RFPL4AL1: variants seen among roughly 807,000 people sequenced by gnomAD.
RFPL4AL1 encodes ret finger protein-like 4A-like protein 1.
A neutral mutation model predicts 8.2 loss-of-function variants in RFPL4AL1; 2 were observed. The ratio of observed to expected loss-of-function variants is 0.24; its 90% CI spans 0.10 to 0.77. RFPL4AL1 has a LOEUF of 0.77. Among genes scored for constraint, RFPL4AL1 ranks in the 30% least tolerant of loss-of-function variants. The probability of loss-of-function intolerance (pLI) is 0.72; values close to 1 mark genes in which losing one functional copy is unlikely to be tolerated. For synonymous variants in RFPL4AL1, 25 were observed against 131.8 expected, an observed-to-expected ratio of 0.19 and a Z score of 5.55; for missense variants, 57 against 350.3, an observed-to-expected ratio of 0.16 and a Z score of 6.68.
rs1243816491 is a variant in RFPL4AL1 at position 55,771,079 on chromosome 19, G to GTTTT, written c.-9-714_-9-711dup. On this transcript the variant is annotated intron_variant, in intron 1 of 2. Coordinates refer to ENST00000341750, the MANE Select transcript of RFPL4AL1 (RefSeq NM_001277397.2). ...TGCTTGTTTGGTTTCTTTTAGTTCTGTTTTTTGTTTTTTTTTTTTTTTTTT... is the reference window on the plus strand; with the variant it reads ...TGCTTGTTTGGTTTCTTTTAGTTCTGTTTTTTTTTTGTTTTTTTTTTTTTTTTTT... Among the ~76,000 whole-genome samples, 477 of 88,368 alleles carry GTTTT rather than the reference G, an allele frequency of 5.4e-3. 2 individuals are homozygous for GTTTT. The highest frequency in any genetic ancestry group is 0.01 in the Admixed American group (74 of 7,080). The allele number at this position is 88,368 out of a possible 152,430, so 58.0% of individuals were successfully genotyped here. A position where few individuals can be genotyped will look rare whatever the true frequency, so the allele number is the denominator to read the frequency against.
At chr19:55,771,435 A>G (rs540122452) in intron 1 of RFPL4AL1, among the ~76,000 whole-genome samples, 3 of 152,142 alleles carry the variant, frequency 2.0e-5, no homozygotes, top group African/African-American at 4.8e-5. Context: ...CTTCACAAAG[A>G]GGAGTGTATT....
intron 1 of RFPL4AL1, among the ~76,000 whole-genome samples, chr19:55,770,316 C>T (rs1321371014): frequency 6.6e-6 from 1 of 151,950 alleles, no homozygotes; most frequent in Admixed American, 6.6e-5. Flanking sequence ...AGAACCCAGT[C>T]CCAGCCAGTT....
Position 55,770,099 on chromosome 19 carries a change from A to C in RFPL4AL1, c.-10+924A>C, listed in dbSNP as rs1233901371. Among the ~76,000 whole-genome samples, 3 of 151,888 alleles carry C rather than the reference A, an allele frequency of 2.0e-5. No homozygotes were observed. The South Asian group carries it at 6.2e-4, about 32-fold the overall frequency. ...TGGAACACAGGCAGTTCTATTCTTC[A>C]TGTTTTCAGAAACCTCCCTACTATT... On this transcript the variant is annotated intron_variant, in intron 1 of 2. Coordinates refer to ENST00000341750, the MANE Select transcript of RFPL4AL1 (RefSeq NM_001277397.2).
intron 1 of RFPL4AL1, among the ~76,000 whole-genome samples, chr19:55,770,292 T>A (rs1290128814): frequency 3.3e-5 from 5 of 152,094 alleles, no homozygotes; most frequent in African/African-American, 9.6e-5. Flanking sequence ...CAGGAGGCTC[T>A]CTGGATGCCA....
chr19:55,770,242 A>T (rs1326078069), intron 1 of RFPL4AL1, among the ~76,000 whole-genome samples: 2 of 151,910 alleles, frequency 1.3e-5, no homozygotes, highest in Admixed American at 1.3e-4. Context: ...CCTAGCAGAG[A>T]GGGGGTAATA....
In RFPL4AL1 at chr19:55,772,069, C is replaced by T; in HGVS notation, c.265C>T (p.Pro89Ser). The change falls in exon 2 of 3, where the codon CCA becomes TCA. Residue 89 changes from proline to serine, a missense_variant. Pro to Ser is a moderately conservative substitution (Grantham distance 74, BLOSUM62 -1). Transcript: ENST00000341750. Reference sequence around the variant, plus strand: ...GCTGAAATCTGTTCTAACAATGAACCCAAGGATGAGGAAGTTTCAAGGTAA... The same window carrying T: ...GCTGAAATCTGTTCTAACAATGAACTCAAGGATGAGGAAGTTTCAAGGTAA... ...PKLKSVLTMN[P>S]RMRKFQVDMT... is the part of the protein sequence containing the mutation. 1 of 1,463,448 alleles carries T rather than the reference C, an allele frequency of 6.8e-7. No homozygotes were observed. The highest frequency in any genetic ancestry group is 9.2e-7 in the Non-Finnish European group (1 of 1,089,572). The allele number at this position is 1,463,448 out of a possible 1,614,324, so 90.7% of individuals were successfully genotyped here. A position where few individuals can be genotyped will look rare whatever the true frequency, so the allele number is the denominator to read the frequency against.
At chr19:55,770,301 CAG>C (rs1298182520) in intron 1 of RFPL4AL1, among the ~76,000 whole-genome samples, 20 of 151,908 alleles carry the variant, frequency 1.3e-4, no homozygotes, top group Non-Finnish European at 8.8e-5. Flanking sequence ...CTCTGGATGC[CAG>C]AGAGAACCCA....
Position 55,771,094 on chromosome 19 carries a change from T to TG in RFPL4AL1, c.-9-702_-9-701insG, listed in dbSNP as rs1233249680. 3.3e-5 allele frequency among the ~76,000 whole-genome samples: 5 copies of TG among 149,320 alleles called. No homozygotes were observed. In the South Asian group the frequency reaches 6.3e-4, roughly 19 times the overall value. ...TTTTAGTTCTGTTTTTTGTTTTTTT[T>TG]TTTTTTTTTTTCCGCTATGCAGAAG... On this transcript the variant is annotated intron_variant, in intron 1 of 2. Coordinates refer to ENST00000341750, the MANE Select transcript of RFPL4AL1 (RefSeq NM_001277397.2).
At position 55,771,834 on chromosome 19, in the gene RFPL4AL1, A is replaced by T. The variant is rs570567070; in HGVS notation, c.30A>T (p.Arg10Ser). The stretch of plus-strand genomic sequence containing the variant: ...CTGAGCACTTCAAACAGATCATTAG[A>T]TGTCCTGTCTGTCTAAAAGATCTTG... MAEHFKQII[R>S]CPVCLKDLEE... Residue 10 changes from arginine to serine, a missense_variant, in exon 2 of 3, where the codon AGA becomes AGT. Transcript: ENST00000341750. The T allele has an allele frequency of 4.4e-5, 68 of 1,550,884 alleles. 1 individual carries two copies. In the East Asian group the frequency reaches 1.5e-3, roughly 34 times the overall value.
intron 1 of RFPL4AL1, among the ~76,000 whole-genome samples, chr19:55,770,687 C>T (rs1989475205): frequency 6.6e-6 from 1 of 151,956 alleles, no homozygotes; most frequent in Non-Finnish European, 1.5e-5. Context: ...AACAGCTTAA[C>T]TCCCTCCGGT....
At chr19:55,769,513 C>G (rs1235596244) in intron 1 of RFPL4AL1, among the ~76,000 whole-genome samples, 1 of 151,522 alleles carries the variant, frequency 6.6e-6, no homozygotes, top group African/African-American at 2.4e-5. Context: ...TTCCCACAAC[C>G]CCTGGCAACC....
intron 1 of RFPL4AL1, among the ~76,000 whole-genome samples, chr19:55,771,086 G>GTTTTTTTTTTTTTTTTTTTTTTTTTT (rs74183507): frequency 1.5e-5 from 2 of 130,378 alleles, no homozygotes; most frequent in Non-Finnish European, 1.6e-5. Context: ...TCTGTTTTTT[G>GTTTTTTTTTTTTTTTTTTTTTTTTTT]TTTTTTTTTT....
chr19:55,770,263 G>A (rs999002343), intron 1 of RFPL4AL1, among the ~76,000 whole-genome samples: 4 of 151,934 alleles, frequency 2.6e-5, no homozygotes, highest in Non-Finnish European at 4.4e-5. Context: ...TCTCATCGCG[G>A]TTTTATTGCT....
At position 55,772,097 on chromosome 19, in the gene RFPL4AL1, A is replaced by C; in HGVS notation, c.286+7A>C. ...AGGATGAGGAAGTTTCAAGGTAAGG[A>C]ATCTATAGGACCTGCCACAACCCAT... is the stretch of plus-strand genomic sequence containing the variant. On this transcript the variant is annotated splice_region_variant and intron_variant, in intron 2 of 2. Transcript: ENST00000341750. 6.8e-7 allele frequency: 1 copy of C among 1,465,374 alleles called. No homozygotes were observed. The allele number at this position is 1,465,374 out of a possible 1,614,324, so 90.8% of individuals were successfully genotyped here.
intron 1 of RFPL4AL1, among the ~76,000 whole-genome samples, chr19:55,770,993 C>T (rs1482557884): frequency 6.6e-6 from 1 of 151,630 alleles, no homozygotes; most frequent in African/African-American, 2.4e-5. Context: ...TTTCTTTTTG[C>T]TACGGCCTTG....
chr19:55,769,457 A>G (rs1989448494), intron 1 of RFPL4AL1, among the ~76,000 whole-genome samples: 1 of 151,676 alleles, frequency 6.6e-6, no homozygotes. Flanking sequence ...GCGTTACTCA[A>G]CGTCAGGTTT....
intron 1 of RFPL4AL1, among the ~76,000 whole-genome samples, chr19:55,769,775 C>T (rs1402810573): frequency 2.0e-5 from 3 of 151,530 alleles, no homozygotes; most frequent in Admixed American, 2.0e-4. Flanking sequence ...TGAGATCAGT[C>T]AACTCAGATT....
chr19:55,771,086 G>GGGT (rs1555799526), intron 1 of RFPL4AL1, among the ~76,000 whole-genome samples: 1 of 130,380 alleles, frequency 7.7e-6, no homozygotes, highest in Non-Finnish European at 1.6e-5. Flanking sequence ...TCTGTTTTTT[G>GGGT]TTTTTTTTTT....
In RFPL4AL1 at chr19:55,772,227, C is replaced by T. The variant is rs143296101; in HGVS notation, c.286+137C>T. The T allele has an allele frequency of 3.3e-3, 2,051 of 623,332 alleles. 1 individual carries two copies. Among genetic ancestry groups the T allele is most frequent in the Middle Eastern group, 5.1e-3 (11 of 2,170 alleles). 38.6% of individuals were successfully genotyped at this position (623,332 alleles called of 1,614,324 possible). A position where few individuals can be genotyped will look rare whatever the true frequency, so the allele number is the denominator to read the frequency against. On this transcript the variant is annotated intron_variant, in intron 2 of 2. Coordinates refer to ENST00000341750, the MANE Select transcript of RFPL4AL1 (RefSeq NM_001277397.2). ...CCATGCTTCACAAACAACAGCAGTT[C>T]TCACCTTTGCGTAGAGATTTTCATG...
Sources: gnomAD v4.1 joint callset for allele counts (sites outside exome capture counted in the v4.1 genomes callset) on GRCh38, gnomAD v4.1.1 for gene constraint, MANE v1.5 for transcripts, NCBI Gene and HGNC (gene_info 2026-07-23, HGNC 2026-07-21) for gene names.